SLC6A11: variants seen among roughly 807,000 people sequenced by gnomAD.
The protein encoded by SLC6A11 is sodium- and chloride-dependent GABA transporter 3.
A neutral mutation model predicts 74.8 loss-of-function variants in SLC6A11; 25 were observed. The observed-to-expected ratio is 0.33, with a 90% CI of 0.24 to 0.47. SLC6A11 has a LOEUF of 0.47. Among genes scored for constraint, SLC6A11 ranks in the 20% least tolerant of loss-of-function variants. The pLI, the probability that SLC6A11 is intolerant of heterozygous loss-of-function variation, is 1.00. For synonymous variants in SLC6A11, 330 were observed against 330.2 expected, an observed-to-expected ratio of 1.00 and a Z score of 0.01; for missense variants, 574 against 837.0, an observed-to-expected ratio of 0.69 and a Z score of 3.88.
At chr3:10,868,016 G>A (rs144956433) in intron 5 of SLC6A11, among the ~76,000 whole-genome samples, 2 of 152,302 alleles carry the variant, frequency 1.3e-5, no homozygotes, top group Non-Finnish European at 2.9e-5. Flanking sequence ...ATAAAAGAGT[G>A]TACTAATATA....
chr3:10,913,471 T>C (rs1416383409), intron 7 of SLC6A11, among the ~76,000 whole-genome samples: 1 of 152,242 alleles, frequency 6.6e-6, no homozygotes, highest in East Asian at 1.9e-4. Flanking sequence ...TTAGTTTCTT[T>C]TGTTTAACTT....
At chr3:10,909,240 C>T (rs1433144691) in intron 6 of SLC6A11, among the ~76,000 whole-genome samples, 1 of 152,024 alleles carries the variant, frequency 6.6e-6, no homozygotes, top group Non-Finnish European at 1.5e-5. Flanking sequence ...CCTGAATCTA[C>T]CTCTGAGCAG....
chr3:10,935,270 C>A, intron 13 of SLC6A11, 71 bp downstream of exon 13: 1 of 1,426,516 alleles, frequency 7.0e-7, no homozygotes, highest in Non-Finnish European at 9.8e-7. Context: ...TCCTCATCTG[C>A]ATGGTGCGCG....
At chr3:10,834,313 G>A (rs1377736252) in intron 4 of SLC6A11, among the ~76,000 whole-genome samples, 1 of 151,650 alleles carries the variant, frequency 6.6e-6, no homozygotes, top group Non-Finnish European at 1.5e-5. Flanking sequence ...CTGCAGCCCT[G>A]TGGACTCAGG....
At chr3:10,901,387 C>T (rs73037928) in intron 6 of SLC6A11, among the ~76,000 whole-genome samples, 3,853 of 152,264 alleles carry the variant, frequency 0.025, 83 homozygotes, top group Non-Finnish European at 0.034. Context: ...CCACCGGGGT[C>T]GGCCTACACA....
intron 5 of SLC6A11, among the ~76,000 whole-genome samples, chr3:10,871,096 T>C (rs1351326664): frequency 6.6e-6 from 1 of 152,218 alleles, no homozygotes; most frequent in Admixed American, 6.5e-5. Flanking sequence ...ATCAGCCACA[T>C]AATAAACCAT....
intron 5 of SLC6A11, among the ~76,000 whole-genome samples, chr3:10,848,960 G>A (rs1389955744): frequency 6.6e-6 from 1 of 152,176 alleles, no homozygotes; most frequent in Admixed American, 6.5e-5. Context: ...CCTTCCTTCA[G>A]CCCAGTCTTC....
At chr3:10,846,960 T>C (rs895481640) in intron 5 of SLC6A11, among the ~76,000 whole-genome samples, 3 of 152,228 alleles carry the variant, frequency 2.0e-5, no homozygotes. Flanking sequence ...ACATCTTCCC[T>C]GAACCTCCTT....
chr3:10,934,958 G>A, intron 12 of SLC6A11, 71 bp from the exon 13 acceptor site: 3 of 1,373,608 alleles, frequency 2.2e-6, no homozygotes, highest in Non-Finnish European at 3.1e-6. Context: ...CTGTTCCTGG[G>A]CCTCAGACCC....
chr3:10,820,834 C>T (rs1415866616), intron 3 of SLC6A11, among the ~76,000 whole-genome samples: 5 of 152,154 alleles, frequency 3.3e-5, no homozygotes, highest in East Asian at 1.9e-4. Flanking sequence ...CTGGAATTGG[C>T]GCACACACTT....
At chr3:10,881,494 T>G (rs542552002) in intron 6 of SLC6A11, among the ~76,000 whole-genome samples, 3 of 152,352 alleles carry the variant, frequency 2.0e-5, no homozygotes, top group African/African-American at 7.2e-5. Context: ...AGGAACTTCC[T>G]GGAAAGGTCC....
At chr3:10,873,552 A>ATGGCATGCTAT (rs1559566887) in intron 5 of SLC6A11, among the ~76,000 whole-genome samples, 9 of 142,802 alleles carry the variant, frequency 6.3e-5, no homozygotes, top group South Asian at 2.3e-4. Context: ...ATCCTATCCT[A>ATGGCATGCTAT]CCCTACCCTA....
At chr3:10,838,280 A>G (rs1338116773) in intron 4 of SLC6A11, among the ~76,000 whole-genome samples, 1 of 152,206 alleles carries the variant, frequency 6.6e-6, no homozygotes, top group African/African-American at 2.4e-5. Context: ...CCTTCTCTCC[A>G]GACTCAGCAG....
intron 6 of SLC6A11, among the ~76,000 whole-genome samples, chr3:10,876,568 C>T (rs900353871): frequency 6.6e-6 from 1 of 152,102 alleles, no homozygotes; most frequent in South Asian, 2.1e-4. Flanking sequence ...CATCCGAATA[C>T]CTTGGAGCTG....
chr3:10,928,770 GAGCACGTAA>G, intron 9 of SLC6A11, among the ~76,000 whole-genome samples: 1 of 152,162 alleles, frequency 6.6e-6, no homozygotes, highest in South Asian at 2.1e-4. Flanking sequence ...GCCATCAGCA[GAGCACGTAA>G]CTCCCACTAC....
chr3:10,912,655 C>T (rs1695402562), intron 7 of SLC6A11, among the ~76,000 whole-genome samples: 1 of 152,228 alleles, frequency 6.6e-6, no homozygotes, highest in African/African-American at 2.4e-5. Flanking sequence ...GTCTCTCTGG[C>T]CTCCTGTAGC....
At position 10,896,550 on chromosome 3, in the gene SLC6A11, T is replaced by G. The variant is rs557149327; in HGVS notation, c.892-15540T>G. Among the ~76,000 whole-genome samples the G allele has an allele frequency of 2.0e-5, 3 of 152,362 alleles. No individual in the cohort carries two copies. In the South Asian group the frequency reaches 6.2e-4, roughly 32 times the overall value. On this transcript the variant is annotated intron_variant, in intron 6 of 13. Coordinates refer to ENST00000254488, the MANE Select transcript of SLC6A11 (RefSeq NM_014229.3). ...TGTCTGATTTTGTGAGATTTTATAC[T>G]TGCTCTTCTTTCTCTCTTGACCCGT...
At chr3:10,863,801 G>T (rs773347132) in intron 5 of SLC6A11, among the ~76,000 whole-genome samples, 1 of 152,072 alleles carries the variant, frequency 6.6e-6, no homozygotes, top group African/African-American at 2.4e-5. Flanking sequence ...TTTGTTCAGG[G>T]GACACAGGAG....
intron 6 of SLC6A11, among the ~76,000 whole-genome samples, chr3:10,886,049 C>A (rs1025949885): frequency 6.6e-6 from 1 of 152,216 alleles, no homozygotes; most frequent in Non-Finnish European, 1.5e-5. Context: ...CAGCTCTCTG[C>A]ATGGTGGTCA....
Sources: gnomAD v4.1 joint callset for allele counts (sites outside exome capture counted in the v4.1 genomes callset) on GRCh38, gnomAD v4.1.1 for gene constraint, MANE v1.5 for transcripts, NCBI Gene and HGNC (gene_info 2026-07-23, HGNC 2026-07-21) for gene names.